IKZF5: variants seen among roughly 807,000 people sequenced by gnomAD.
IKZF5 encodes IKAROS family zinc finger 5.
IKZF5 carries 4 observed loss-of-function variants against 30.7 expected under a neutral mutation model. That is an observed-to-expected ratio of 0.13 (90% confidence interval 0.06 to 0.30). The LOEUF (loss-of-function observed/expected upper bound fraction) is 0.30. Ranked by LOEUF, IKZF5 falls within the 10% of genes least tolerant of loss-of-function variation. The probability of loss-of-function intolerance (pLI) is 1.00; values close to 1 mark genes in which losing one functional copy is unlikely to be tolerated. For missense variants in IKZF5, 348 were observed against 525.5 expected, an observed-to-expected ratio of 0.66 and a Z score of 3.30; for synonymous variants, 148 against 179.6, an observed-to-expected ratio of 0.82 and a Z score of 1.41.
intron 2 of IKZF5, among the ~76,000 whole-genome samples, chr10:123,002,805 C>A (rs1241583225): frequency 5.1e-4 from 70 of 136,298 alleles, no homozygotes; most frequent in African/African-American, 1.5e-3. Flanking sequence ...AAAAAAAAAA[C>A]CAAAACATTA....
chr10:122,991,019 T>C lies in IKZF5; in HGVS notation c.*2761A>G, dbSNP rs1397942478. ...TAACAAAAACAAGTTCTAGAAAGCA[T>C]ATACCCTCTAAGACTAATGAAAACG... is the stretch of plus-strand genomic sequence containing the variant. On this transcript the variant is annotated 3_prime_UTR_variant, in exon 5 of 5. Transcript: ENST00000368886. The C allele has an allele frequency of 6.6e-6, 1 of 151,936 alleles. No individual in the cohort carries two copies. The highest frequency in any genetic ancestry group is 2.4e-5 in the African/African-American group (1 of 41,368). 9.4% of individuals were successfully genotyped at this position (151,936 alleles called of 1,614,324 possible).
intron 2 of IKZF5, among the ~76,000 whole-genome samples, chr10:122,999,560 G>GT (rs1418240490): frequency 2.9e-4 from 44 of 152,228 alleles, no homozygotes; most frequent in African/African-American, 1.0e-3. Context: ...AAACAAATGG[G>GT]TGGGGCTATG....
rs762390346 is a variant in IKZF5, at chr10:122,994,673, G to A, written c.367C>T (p.Arg123Cys). The change falls in exon 5 of 5, where the codon CGT becomes TGT. Residue 123 changes from arginine (R) to cysteine (C), a missense_variant. Arg to Cys is a radical substitution (Grantham distance 180). Around this residue, in one of 4 missense-constraint regions of IKZF5, gnomAD observed 36 missense variants for 129.4 expected, o/e 0.28. Coordinates refer to ENST00000368886, the MANE Select transcript of IKZF5 (RefSeq NM_001372123.1). The surrounding 1 kb of genome is among the most constrained non-coding windows in gnomAD (Gnocchi z 5.6). ...GAACGCATATGGGCTTCCAGATGAC[G>A]CTCATAAGCAGATGCAAATGGACAA... Reference protein sequence around the residue: ...HLCPFASAYERHLEAHMRSHT... With the variant: ...HLCPFASAYECHLEAHMRSHT... 6.2e-7 allele frequency: 1 copy of A among 1,612,936 alleles called. No homozygotes were observed. Among genetic ancestry groups the A allele is most frequent in the Non-Finnish European group, 8.5e-7 (1 of 1,179,684 alleles).
chr10:123,002,162 C>A (rs1408830868), intron 2 of IKZF5, among the ~76,000 whole-genome samples: 6 of 152,156 alleles, frequency 3.9e-5, no homozygotes, highest in Non-Finnish European at 8.8e-5. Context: ...TTTCTTAATT[C>A]AATACTTGTG....
rs1169643298 is a variant in IKZF5 at position 122,991,823 on chromosome 10, G to A, written c.*1957C>T. ...ACCTTCACAACATCCATGGTCAGTT[G>A]TTAGAAAAAAATGCATTTGACAGAA... On this transcript the variant is annotated 3_prime_UTR_variant, in exon 5 of 5. Transcript: ENST00000368886. 1 of 152,110 alleles carries A rather than the reference G, an allele frequency of 6.6e-6. No homozygotes were observed. The highest frequency in any genetic ancestry group is 1.5e-5 in the Non-Finnish European group (1 of 68,002). 9.4% of individuals were successfully genotyped at this position (152,110 alleles called of 1,614,324 possible).
chr10:122,993,965 C>G lies in IKZF5; in HGVS notation c.1075G>C (p.Asp359His), dbSNP rs1564735185. 6.2e-7 allele frequency: 1 copy of G among 1,614,078 alleles called. No individual in the cohort carries two copies. The highest frequency in any genetic ancestry group is 8.5e-7 in the Non-Finnish European group (1 of 1,180,018). ...TGGCAGTGGTGCAGAAGCTGAGGGT[C>G]CTGGACCGGCAGGGCTGGGGCTGGG... is the stretch of plus-strand genomic sequence containing the variant. ...STPAPALPVQ[D>H]PQLLHHCQHC... The change falls in exon 5 of 5, where the codon GAC becomes CAC. Residue 359 changes from aspartate to histidine, a missense_variant. Around this residue, in one of 4 missense-constraint regions of IKZF5, gnomAD observed 56 missense variants for 104.7 expected, o/e 0.53. Coordinates refer to ENST00000368886, the MANE Select transcript of IKZF5 (RefSeq NM_001372123.1).
Position 122,994,397 on chromosome 10 carries a change from A to G in IKZF5, c.643T>C (p.Phe215Leu). 5.0e-6 allele frequency: 8 copies of G among 1,613,922 alleles called. No homozygotes were observed. The highest frequency in any genetic ancestry group is 6.8e-6 in the Non-Finnish European group (8 of 1,179,960). ...VVQKPDYLND[F>L]THEIPNIQTD... Reference sequence around the variant, plus strand: ...TGGATATTTGGGATTTCGTGGGTAAAATCGTTAAGGTAGTCTGGTTTCTGA... The same window carrying G: ...TGGATATTTGGGATTTCGTGGGTAAGATCGTTAAGGTAGTCTGGTTTCTGA... The change falls in exon 5 of 5, where the codon TTT becomes CTT. Residue 215 changes from phenylalanine (F) to leucine (L), a missense_variant. Phe to Leu is a conservative substitution (Grantham distance 22, BLOSUM62 0). Transcript: ENST00000368886. This position sits in a 1 kb window ranked among gnomAD's most constrained non-coding sequence, Gnocchi z 5.6.
chr10:122,994,820 AAG>A lies in IKZF5; in HGVS notation c.317-99_317-98del. 1.0e-6 allele frequency: 1 copy of A among 968,722 alleles called. No individual in the cohort carries two copies. The highest frequency in any genetic ancestry group is 1.6e-5 in the African/African-American group (1 of 61,032). The allele number at this position is 968,722 out of a possible 1,614,324, so 60.0% of individuals were successfully genotyped here. A position where few individuals can be genotyped will look rare whatever the true frequency, so the allele number is the denominator to read the frequency against. ...ATTGGACAACTGGAAATTGATCAAAAAGAAAATGCTTTCAGAAAGTCATATTT... is the reference window on the plus strand; with the variant it reads ...ATTGGACAACTGGAAATTGATCAAAAAAAATGCTTTCAGAAAGTCATATTT... On this transcript the variant is annotated intron_variant, in intron 4 of 4. Transcript: ENST00000368886. This position sits in a 1 kb window ranked among gnomAD's most constrained non-coding sequence, Gnocchi z 5.6.
At chr10:123,006,402 A>C (rs1347799502) in intron 2 of IKZF5, among the ~76,000 whole-genome samples, 3 of 152,170 alleles carry the variant, frequency 2.0e-5, no homozygotes, top group African/African-American at 7.2e-5. Context: ...ACATGTGTGT[A>C]TATATGTGCA....
In IKZF5 at chr10:123,000,550, A is replaced by G. The variant is rs138510440; in HGVS notation, c.-46-1879T>C. Reference sequence around the variant, plus strand: ...TGAACATATTACTACACGTTTTTTGATTACGTACATATTTCTGTTGGTTGT... The same window carrying G: ...TGAACATATTACTACACGTTTTTTGGTTACGTACATATTTCTGTTGGTTGT... On this transcript the variant is annotated intron_variant, in intron 2 of 4. Coordinates refer to ENST00000368886, the MANE Select transcript of IKZF5 (RefSeq NM_001372123.1). Among the ~76,000 whole-genome samples, 17 of 152,212 alleles carry G rather than the reference A, an allele frequency of 1.1e-4. 2 individuals are homozygous for G. Among genetic ancestry groups the G allele is most frequent in the African/African-American group, 4.1e-4 (17 of 41,538 alleles).
At position 122,996,028 on chromosome 10, in the gene IKZF5, T is replaced by C. The variant is rs761056675; in HGVS notation, c.282A>G (p.Thr94=). The C allele has an allele frequency of 6.2e-7, 1 of 1,614,104 alleles. No individual in the cohort carries two copies. Among genetic ancestry groups the C allele is most frequent in the South Asian group, 1.1e-5 (1 of 91,086 alleles). ...TTCTGATGTGTTCAATAAGCCGGGC[T>C]GTTCCTTTGCTGGCATAGTTGCAGT... ...CRYCNYASKG[T]ARLIEHIRIH... Residue 94 remains threonine, a synonymous_variant, in exon 4 of 5, where the codon ACA becomes ACG. Coordinates refer to ENST00000368886, the MANE Select transcript of IKZF5 (RefSeq NM_001372123.1).
At position 123,008,761 on chromosome 10, in the gene IKZF5, G is replaced by A. The variant is rs939245269; in HGVS notation, c.-265C>T. On this transcript the variant is annotated 5_prime_UTR_variant, in exon 1 of 5. It adds an upstream start codon to the 5' untranslated region. Transcript: ENST00000368886. ...TGCCGTCGCCGCCGCCGCCGTCTTC[G>A]TCACCGTCACAGTCGCCGCCGCCAT... 4 of 601,274 alleles carry A rather than the reference G, an allele frequency of 6.7e-6. No homozygotes were observed. The highest frequency in any genetic ancestry group is 1.9e-5 in the African/African-American group (1 of 53,948). 37.2% of individuals were successfully genotyped at this position (601,274 alleles called of 1,614,324 possible).
chr10:122,997,595 A>G (rs544364081), intron 3 of IKZF5: 1 of 152,378 alleles, frequency 6.6e-6, no homozygotes, highest in Admixed American at 6.5e-5. Context: ...TAGTCCCTGC[A>G]TTATAAGGCC....
At chr10:123,005,172 T>A (rs1849736240) in intron 2 of IKZF5, among the ~76,000 whole-genome samples, 1 of 152,126 alleles carries the variant, frequency 6.6e-6, no homozygotes, top group Non-Finnish European at 1.5e-5. Flanking sequence ...AGACTTCCTC[T>A]TATAGAAAGA....
chr10:122,999,254 G>A (rs535237692), intron 2 of IKZF5, among the ~76,000 whole-genome samples: 1 of 152,308 alleles, frequency 6.6e-6, no homozygotes, highest in South Asian at 2.1e-4. Context: ...GCCACATATA[G>A]CTACTGAGGC....
At chr10:122,996,238 A>G (rs1849369058) in intron 3 of IKZF5, 62 bp from the exon 4 acceptor site, 1 of 1,414,736 alleles carries the variant, frequency 7.1e-7, no homozygotes, top group South Asian at 1.2e-5. Flanking sequence ...TTAGCATTTC[A>G]GTTTTAAGTG....
chr10:123,008,382 A>C (rs1849899482), intron 1 of IKZF5, among the ~76,000 whole-genome samples: 1 of 152,078 alleles, frequency 6.6e-6, no homozygotes, highest in Non-Finnish European at 1.5e-5. Flanking sequence ...CTCCCGCAGA[A>C]CCACCTGTCA....
Position 122,992,961 on chromosome 10 carries a change from A to G in IKZF5, c.*819T>C, listed in dbSNP as rs1290145083. The stretch of plus-strand genomic sequence containing the variant: ...ACTTCACTTTATCTCTTTGGTCATC[A>G]AAGGAATAGGAAGAATAAGAGATTC... On this transcript the variant is annotated 3_prime_UTR_variant, in exon 5 of 5. Transcript: ENST00000368886. 6.6e-6 allele frequency: 1 copy of G among 152,644 alleles called. No individual in the cohort carries two copies. Among genetic ancestry groups the G allele is most frequent in the Non-Finnish European group, 1.5e-5 (1 of 68,028 alleles). The allele number at this position is 152,644 out of a possible 1,614,324, so 9.5% of individuals were successfully genotyped here. A position where few individuals can be genotyped will look rare whatever the true frequency, so the allele number is the denominator to read the frequency against.
chr10:123,000,930 T>C (rs1338297823), intron 2 of IKZF5, among the ~76,000 whole-genome samples: 1 of 152,130 alleles, frequency 6.6e-6, no homozygotes, highest in Non-Finnish European at 1.5e-5. Flanking sequence ...GGAAGAATGC[T>C]TTATAATGAG....
Sources: gnomAD v4.1 joint callset for allele counts (sites outside exome capture counted in the v4.1 genomes callset) on GRCh38, gnomAD v4.1.1 for gene constraint, gnomAD v4.1.1 regional missense constraint, Gnocchi (gnomAD v3.1) non-coding constraint, MANE v1.5 for transcripts, NCBI Gene and HGNC (gene_info 2026-07-23, HGNC 2026-07-21) for gene names.